Variants in DCAF8L2 observed in about 807,000 individuals in gnomAD.
The protein encoded by DCAF8L2 is DDB1 and CUL4 associated factor 8 like 2, also known as DDB1- and CUL4-associated factor 8-like protein 2.
For synonymous variants in DCAF8L2, 200 were observed against 190.9 expected, an observed-to-expected ratio of 1.05 and a Z score of -0.39; for missense variants, 430 against 490.7, an observed-to-expected ratio of 0.88 and a Z score of 1.17.
the DCAF8L2 span, among the ~76,000 whole-genome samples, chrX:27,501,860 TC>T: frequency 9.0e-6 from 1 of 110,676 alleles, no homozygotes; most frequent in Non-Finnish European, 1.9e-5. Flanking sequence ...AGATTTCCCT[TC>T]TATATACCCC....
chrX:27,552,674 T>C, the DCAF8L2 span, among the ~76,000 whole-genome samples: 2 of 112,003 alleles, frequency 1.8e-5, no homozygotes, highest in East Asian at 5.6e-4. Flanking sequence ...TTTATGCCAA[T>C]ATCATGCTGA....
At chrX:27,553,706 C>A in the DCAF8L2 span, among the ~76,000 whole-genome samples, 7 of 111,758 alleles carry the variant, frequency 6.3e-5, no homozygotes, top group Middle Eastern at 0.014. Context: ...CATTTACATT[C>A]AAGGTTATTG....
the DCAF8L2 span, among the ~76,000 whole-genome samples, chrX:27,568,828 C>A: frequency 9.3e-6 from 1 of 107,426 alleles, no homozygotes; most frequent in Non-Finnish European, 1.9e-5. Flanking sequence ...CCGCTCCCCC[C>A]ACCCCACAAC....
chrX:27,579,135 T>A, the DCAF8L2 span, among the ~76,000 whole-genome samples: 2 of 111,847 alleles, frequency 1.8e-5, no homozygotes, highest in Non-Finnish European at 3.8e-5. Flanking sequence ...CTATTCACAA[T>A]AGCAAAGACA....
the DCAF8L2 span, among the ~76,000 whole-genome samples, chrX:27,481,465 A>G: frequency 9.0e-6 from 1 of 111,484 alleles, no homozygotes; most frequent in East Asian, 2.8e-4. Context: ...ATTTTGAGCA[A>G]TGTTCAGATG....
the DCAF8L2 span, among the ~76,000 whole-genome samples, chrX:27,563,147 C>T: frequency 5.4e-5 from 6 of 110,718 alleles, no homozygotes; most frequent in East Asian, 5.6e-4. Flanking sequence ...AATAGAAGTA[C>T]GAACTGGTTT....
the DCAF8L2 span, among the ~76,000 whole-genome samples, chrX:27,551,205 C>A: frequency 0.094 from 10,240 of 108,488 alleles, 394 homozygotes; most frequent in Non-Finnish European, 0.12. Context: ...TGTAACTGTT[C>A]AAATGAAAGG....
At chrX:27,740,378 C>T (rs751341297) in intron 4 of DCAF8L2, among the ~76,000 whole-genome samples, 1 of 112,242 alleles carries the variant, frequency 8.9e-6, no homozygotes, top group Non-Finnish European at 1.9e-5. Flanking sequence ...CATCTGCTCT[C>T]TCTTCTCCTC....
At chrX:27,603,506 C>T (rs1329096540) in intron 1 of DCAF8L2, among the ~76,000 whole-genome samples, 2 of 111,707 alleles carry the variant, frequency 1.8e-5, no homozygotes, top group African/African-American at 3.2e-5. Flanking sequence ...AATATAAAAT[C>T]GCACTAAATA....
intron 2 of DCAF8L2, among the ~76,000 whole-genome samples, chrX:27,668,993 C>T (rs1296800202): frequency 9.1e-6 from 1 of 110,077 alleles, no homozygotes; most frequent in Admixed American, 9.7e-5. Context: ...GACATAGGTA[C>T]TGGCTGATAA....
At chrX:27,691,884 G>A (rs556688619) in intron 3 of DCAF8L2, among the ~76,000 whole-genome samples, 1 of 111,670 alleles carries the variant, frequency 9.0e-6, no homozygotes, top group South Asian at 3.7e-4. Flanking sequence ...TGAAGCCTAG[G>A]AGATTAAAAA....
In DCAF8L2 at chrX:27,716,173, T is replaced by C. The variant is rs1424592167; in HGVS notation, c.-59+2T>C. The C allele has an allele frequency of 1.8e-5, 2 of 111,853 alleles. No homozygotes were observed. The highest frequency in any genetic ancestry group is 6.5e-5 in the African/African-American group (2 of 30,714). 9.2% of individuals were successfully genotyped at this position (111,853 alleles called of 1,213,427 possible). ...AATCTCTAATTGCTACTGACACAGG[T>C]GAGTGGCATGGGTAGCAAATTATGC... On this transcript the variant is annotated splice_donor_variant, in intron 4 of 4. Coordinates refer to ENST00000451261, the MANE Select transcript of DCAF8L2 (RefSeq NM_001353450.2). LOFTEE classifies it low-confidence loss of function (5UTR_SPLICE).
intron 1 of DCAF8L2, among the ~76,000 whole-genome samples, chrX:27,604,173 A>G (rs761183137): frequency 4.5e-5 from 5 of 111,106 alleles, no homozygotes; most frequent in Middle Eastern, 4.6e-3. Context: ...CACACTCTCT[A>G]ATAACATCAG....
intron 2 of DCAF8L2, among the ~76,000 whole-genome samples, chrX:27,656,991 C>A (rs1342586896): frequency 2.7e-5 from 3 of 110,469 alleles, no homozygotes; most frequent in Non-Finnish European, 5.7e-5. Flanking sequence ...GAAAGGCAGA[C>A]CCACCCTTAA....
At chrX:27,570,587 T>G in the DCAF8L2 span, among the ~76,000 whole-genome samples, 1 of 111,845 alleles carries the variant, frequency 8.9e-6, no homozygotes, top group African/African-American at 3.3e-5. Flanking sequence ...TGTGAAGAAT[T>G]CAGGGGAAGC....
chrX:27,740,911 A>G (rs1921810010), intron 4 of DCAF8L2, among the ~76,000 whole-genome samples: 1 of 111,524 alleles, frequency 9.0e-6, no homozygotes, highest in Non-Finnish European at 1.9e-5. Flanking sequence ...TTTCTCTTTC[A>G]TCCACTATAC....
chrX:27,477,896 G>GT, the DCAF8L2 span, among the ~76,000 whole-genome samples: 42 of 110,582 alleles, frequency 3.8e-4, no homozygotes, highest in Admixed American at 3.3e-3. Context: ...ATATCTTTCC[G>GT]TTTTTTTTAG....
intron 2 of DCAF8L2, among the ~76,000 whole-genome samples, chrX:27,675,455 G>T (rs1161885558): frequency 1.8e-5 from 2 of 112,255 alleles, no homozygotes; most frequent in African/African-American, 6.5e-5. Context: ...ACAAAGGAAG[G>T]TGTAATGTAT....
chrX:27,744,741 C>A (rs967153933), intron 4 of DCAF8L2, among the ~76,000 whole-genome samples: 1 of 111,213 alleles, frequency 9.0e-6, no homozygotes, highest in African/African-American at 3.3e-5. Flanking sequence ...AGTAATTTCT[C>A]ACTCTATTAG....
Sources: allele counts gnomAD v4.1 joint callset (sites outside exome capture counted in the v4.1 genomes callset), GRCh38; gene constraint gnomAD v4.1.1; transcripts MANE v1.5; gene names NCBI Gene and HGNC (gene_info 2026-07-23, HGNC 2026-07-21).